COPG2: variants seen among roughly 807,000 people sequenced by gnomAD.
COPG2 encodes coat protein complex I subunit gamma 2.
COPG2 carries 37 observed loss-of-function variants against 46.3 expected under a neutral mutation model. That is an observed-to-expected ratio of 0.80 (90% confidence interval 0.61 to 1.05). The LOEUF is 1.05. COPG2 is among the 50% of genes least tolerant of loss of function. The pLI, the probability that COPG2 is intolerant of heterozygous loss-of-function variation, is 0.00. For missense variants in COPG2, 427 were observed against 387.8 expected (o/e 1.10, Z -0.85); for synonymous variants, 159 against 129.7 (o/e 1.23, Z -1.53).
intron 9 of COPG2, among the ~76,000 whole-genome samples, chr7:130,584,630 T>C (rs1554447752): frequency 1.3e-5 from 2 of 152,066 alleles, no homozygotes; most frequent in Non-Finnish European, 1.5e-5. Context: ...ACAAGATTAA[T>C]GTTCACAAAT....
chr7:130,568,674 A>G (rs1473896164), intron 9 of COPG2, among the ~76,000 whole-genome samples: 2 of 152,308 alleles, frequency 1.3e-5, no homozygotes, highest in Non-Finnish European at 2.9e-5. Flanking sequence ...GTCAACAAAG[A>G]AACAACGGAC....
At chr7:130,629,265 T>A (rs1409585257) in intron 5 of COPG2, among the ~76,000 whole-genome samples, 1 of 152,176 alleles carries the variant, frequency 6.6e-6, no homozygotes, top group Non-Finnish European at 1.5e-5. Context: ...TGTGTATGTG[T>A]CCCATGTGGT....
rs1414627499 is a variant in COPG2, at chr7:130,626,667, CT to C, written c.324-9603del. ...GACTGTTGAGCTGCTTTTCATGTTT[CT>C]TTCCTCTTTCTTTAACTCTTACACT... On this transcript the variant is annotated intron_variant, in intron 5 of 23. Coordinates refer to ENST00000425248, the MANE Select transcript of COPG2 (RefSeq NM_012133.6). Among the ~76,000 whole-genome samples, 4 of 152,128 alleles carry C rather than the reference CT, an allele frequency of 2.6e-5. 1 individual carries two copies. The highest frequency in any genetic ancestry group is 5.9e-5 in the Non-Finnish European group (4 of 68,016).
At chr7:130,513,351 GTGTGTGTGTATATATATATATATA>G (rs1175188935) in intron 20 of COPG2, among the ~76,000 whole-genome samples, 1,815 of 44,014 alleles carry the variant, frequency 0.041, 68 homozygotes, top group South Asian at 0.16. Flanking sequence ...ATGTGTGTGT[GTGTGTGTGTATATATATATATATA>G]TGTGTGTGTG....
chr7:130,565,148 A>C (rs948358796), intron 9 of COPG2, among the ~76,000 whole-genome samples: 4 of 152,220 alleles, frequency 2.6e-5, no homozygotes, highest in Non-Finnish European at 5.9e-5. Flanking sequence ...GACCTGACAG[A>C]GCTCCGCTCT....
rs1795011274 is a variant in COPG2, at chr7:130,620,037, T to G, written c.324-2972A>C. On this transcript the variant is annotated intron_variant, in intron 5 of 23. Coordinates refer to ENST00000425248, the MANE Select transcript of COPG2 (RefSeq NM_012133.6). ...GGTGTCAGTCATTCTGTTACAATTT[T>G]TATTGGAATACAGTATGCTATTTTA... Among the ~76,000 whole-genome samples, 3 of 152,350 alleles carry G rather than the reference T, an allele frequency of 2.0e-5. No individual in the cohort carries two copies. In the South Asian group the frequency reaches 6.2e-4, roughly 32 times the overall value.
chr7:130,555,411 G>A (rs2116393293), intron 12 of COPG2, among the ~76,000 whole-genome samples: 1 of 152,244 alleles, frequency 6.6e-6, no homozygotes, highest in East Asian at 1.9e-4. Context: ...TCACATCAAA[G>A]ATTTTAAAGT....
At position 130,663,056 on chromosome 7, in the gene COPG2, C is replaced by T. The variant is rs1463306649; in HGVS notation, c.172-18G>A. 2.1e-6 allele frequency: 3 copies of T among 1,451,804 alleles called. No individual in the cohort carries two copies. Among genetic ancestry groups the T allele is most frequent in the East Asian group, 2.5e-5 (1 of 39,940 alleles). The allele number at this position is 1,451,804 out of a possible 1,614,324, so 89.9% of individuals were successfully genotyped here. A position where few individuals can be genotyped will look rare whatever the true frequency, so the allele number is the denominator to read the frequency against. ...TGTTCACCCTAAGTAAAATTTAAAA[C>T]AATTTTTAAATTTTAAAAAGTGTAT... On this transcript the variant is annotated intron_variant, in intron 3 of 23. Coordinates refer to ENST00000425248, the MANE Select transcript of COPG2 (RefSeq NM_012133.6).
At chr7:130,609,901 T>C (rs1794809600) in intron 9 of COPG2, among the ~76,000 whole-genome samples, 1 of 152,234 alleles carries the variant, frequency 6.6e-6, no homozygotes, top group Admixed American at 6.5e-5. Flanking sequence ...TTGTCCATCT[T>C]TTCCACTCTT....
At position 130,611,165 on chromosome 7, in the gene COPG2, T is replaced by C. The variant is rs1357696379; in HGVS notation, c.580-55A>G. On this transcript the variant is annotated intron_variant, in intron 8 of 23. Transcript: ENST00000425248. ...TGGATTAGAAAGATGTCAAAATATT[T>C]ACACAAAAATAGAATTACACGGAAC... 5.4e-6 allele frequency: 8 copies of C among 1,474,970 alleles called. No individual in the cohort carries two copies. In the African/African-American group the frequency reaches 9.8e-5, roughly 18 times the overall value. The allele number at this position is 1,474,970 out of a possible 1,614,324, so 91.4% of individuals were successfully genotyped here.
At chr7:130,634,132 A>G (rs1233856713) in intron 5 of COPG2, among the ~76,000 whole-genome samples, 1 of 152,146 alleles carries the variant, frequency 6.6e-6, no homozygotes, top group Non-Finnish European at 1.5e-5. Flanking sequence ...TCCTTGTAGT[A>G]TAGTTTGAAG....
At chr7:130,635,055 G>T (rs1795308456) in intron 5 of COPG2, among the ~76,000 whole-genome samples, 1 of 150,112 alleles carries the variant, frequency 6.7e-6, no homozygotes, top group South Asian at 2.2e-4. Flanking sequence ...TCCCAGGGAT[G>T]AAGCCAACTT....
At chr7:130,622,126 G>A (rs191411191) in intron 5 of COPG2, among the ~76,000 whole-genome samples, 2 of 152,142 alleles carry the variant, frequency 1.3e-5, no homozygotes, top group Admixed American at 1.3e-4. Flanking sequence ...GAATGACAGG[G>A]AAATGAACAG....
chr7:130,613,127 G>A (rs185177911), intron 7 of COPG2, among the ~76,000 whole-genome samples: 2 of 152,186 alleles, frequency 1.3e-5, no homozygotes, highest in African/African-American at 4.8e-5. Context: ...CATGGACAGA[G>A]GGCAGAGGGA....
At chr7:130,589,087 C>A (rs972646762) in intron 9 of COPG2, among the ~76,000 whole-genome samples, 1 of 151,752 alleles carries the variant, frequency 6.6e-6, no homozygotes, top group Non-Finnish European at 1.5e-5. Flanking sequence ...TTTATAACAT[C>A]CCATAATACA....
intron 20 of COPG2, among the ~76,000 whole-genome samples, chr7:130,516,459 A>G (rs1563034921): frequency 1.3e-5 from 2 of 152,224 alleles, no homozygotes; most frequent in African/African-American, 4.8e-5. Context: ...AGGGACATTA[A>G]GGATGTACTC....
At chr7:130,624,718 C>T (rs1281410014) in intron 5 of COPG2, among the ~76,000 whole-genome samples, 1 of 152,178 alleles carries the variant, frequency 6.6e-6, no homozygotes, top group Non-Finnish European at 1.5e-5. Flanking sequence ...CCTCCAGTTC[C>T]ATCCAAGTTG....
chr7:130,551,505 T>C (rs1793534348), intron 15 of COPG2, among the ~76,000 whole-genome samples, 161 bp from the exon 16 acceptor site: 1 of 152,168 alleles, frequency 6.6e-6, no homozygotes, highest in Non-Finnish European at 1.5e-5. Context: ...TCACAAATCT[T>C]GGGTACTGCT....
At chr7:130,526,957 G>T (rs1799780990) in intron 20 of COPG2, among the ~76,000 whole-genome samples, 1 of 143,276 alleles carries the variant, frequency 7.0e-6, no homozygotes, top group Admixed American at 7.0e-5. Context: ...TGGGGGTGGG[G>T]GGAGGCAAAC....
Sources: gnomAD v4.1 joint callset for allele counts (sites outside exome capture counted in the v4.1 genomes callset) on GRCh38, gnomAD v4.1.1 for gene constraint, MANE v1.5 for transcripts, NCBI Gene and HGNC (gene_info 2026-07-23, HGNC 2026-07-21) for gene names.